The following PTPRK variants were observed in gnomAD, a reference collection of about 807,000 sequenced individuals.
The protein encoded by PTPRK is protein tyrosine phosphatase receptor type K, also known as receptor-type tyrosine-protein phosphatase kappa.
Under a neutral mutation model 178.0 loss-of-function variants are expected in PTPRK, and 75 were observed. The observed-to-expected ratio is 0.42, with a 90% confidence interval of 0.35 to 0.51. The LOEUF is 0.51. Ranked by LOEUF, PTPRK falls within the 20% of genes least tolerant of loss-of-function variation. The pLI is 0.02. For missense variants in PTPRK, 1,441 were observed against 1,797.8 expected (o/e 0.80, Z 3.59); for synonymous variants, 637 against 620.6 (o/e 1.03, Z -0.39).
intron 8 of PTPRK, chr6:128,084,910 T>C (rs896201431): frequency 6.6e-6 from 1 of 152,194 alleles, no homozygotes; most frequent in Non-Finnish European, 1.5e-5. Context: ...TCAGTGAACT[T>C]CACACATGAC....
At chr6:128,399,475 C>T (rs974479495) in intron 1 of PTPRK, among the ~76,000 whole-genome samples, 3 of 152,080 alleles carry the variant, frequency 2.0e-5, no homozygotes, top group Non-Finnish European at 4.4e-5. Flanking sequence ...TAAAATAGAC[C>T]TTTTATAAAT....
At chr6:128,152,798 C>T (rs573628977) in intron 7 of PTPRK, among the ~76,000 whole-genome samples, 2 of 151,962 alleles carry the variant, frequency 1.3e-5, no homozygotes, top group East Asian at 1.9e-4. Flanking sequence ...GTGGACAGAT[C>T]GTGACAGAGA....
At chr6:128,511,989 T>C (rs941430449) in intron 1 of PTPRK, among the ~76,000 whole-genome samples, 1 of 152,098 alleles carries the variant, frequency 6.6e-6, no homozygotes, top group African/African-American at 2.4e-5. Flanking sequence ...AGCTCTCTTC[T>C]CCAACATATA....
At chr6:128,296,988 T>G (rs1465269973) in intron 3 of PTPRK, among the ~76,000 whole-genome samples, 1 of 151,476 alleles carries the variant, frequency 6.6e-6, no homozygotes, top group African/African-American at 2.4e-5. Context: ...CCATCTCACG[T>G]GCAGAGACAC....
intron 3 of PTPRK, among the ~76,000 whole-genome samples, chr6:128,289,154 T>C (rs1408841973): frequency 1.3e-5 from 2 of 152,110 alleles, no homozygotes; most frequent in Non-Finnish European, 2.9e-5. Context: ...CATTTCTGAG[T>C]GGTAGGGCCC....
chr6:128,296,944 G>C (rs1824536954), intron 3 of PTPRK, among the ~76,000 whole-genome samples: 1 of 151,862 alleles, frequency 6.6e-6, no homozygotes, highest in Non-Finnish European at 1.5e-5. Context: ...CGGATAAAGA[G>C]TCAAGACCCA....
At chr6:127,976,890 A>G (rs755361167) in intron 26 of PTPRK, 33 bp downstream of exon 26, 21 of 1,613,084 alleles carry the variant, frequency 1.3e-5, no homozygotes, top group East Asian at 4.5e-5. Context: ...TAAGTTGTAT[A>G]TAAGTACATA....
At chr6:128,509,530 C>T (rs966194075) in intron 1 of PTPRK, among the ~76,000 whole-genome samples, 2 of 152,038 alleles carry the variant, frequency 1.3e-5, no homozygotes, top group Admixed American at 6.6e-5. Flanking sequence ...CAATACTTTC[C>T]TTATTGTCAA....
Position 128,086,339 on chromosome 6 carries a change from C to T in PTPRK, c.1466-2515G>A, listed in dbSNP as rs773806076. On this transcript the variant is annotated intron_variant, in intron 8 of 29. Coordinates refer to ENST00000368226, the MANE Select transcript of PTPRK (RefSeq NM_002844.4). ...TATGTCCCCAAACCAGGCTTTTCTGCTGAGCTAACTTTATAATATTGATTT... is the reference window on the plus strand; with the variant it reads ...TATGTCCCCAAACCAGGCTTTTCTGTTGAGCTAACTTTATAATATTGATTT... Among the ~76,000 whole-genome samples, 7 of 152,080 alleles carry T rather than the reference C, an allele frequency of 4.6e-5. No individual in the cohort carries two copies. The South Asian group carries it at 1.5e-3, about 32-fold the overall frequency.
At chr6:128,377,538 T>C (rs1397818434) in intron 2 of PTPRK, among the ~76,000 whole-genome samples, 1 of 152,152 alleles carries the variant, frequency 6.6e-6, no homozygotes, top group Non-Finnish European at 1.5e-5. Context: ...CCATTAAATA[T>C]ATATTTGTTA....
At chr6:128,501,369 G>T (rs1050104579) in intron 1 of PTPRK, among the ~76,000 whole-genome samples, 1 of 151,314 alleles carries the variant, frequency 6.6e-6, no homozygotes, top group Non-Finnish European at 1.5e-5. Context: ...TCAGCACTTT[G>T]TCATATATTA....
chr6:128,098,843 A>G (rs1053972003), intron 7 of PTPRK, among the ~76,000 whole-genome samples: 1 of 152,068 alleles, frequency 6.6e-6, no homozygotes, highest in African/African-American at 2.4e-5. Flanking sequence ...CCCAGATACC[A>G]CGGTAGTATG....
intron 2 of PTPRK, among the ~76,000 whole-genome samples, chr6:128,356,658 T>C (rs181864187): frequency 1.9e-4 from 29 of 152,334 alleles, no homozygotes; most frequent in Admixed American, 7.2e-4. Flanking sequence ...TTTAGGTTTC[T>C]TTTCTTTCTC....
intron 7 of PTPRK, among the ~76,000 whole-genome samples, chr6:128,134,268 C>T (rs1014330040): frequency 5.1e-4 from 77 of 152,216 alleles, no homozygotes; most frequent in African/African-American, 1.8e-3. Context: ...TGTCTTATCT[C>T]TTGTCTCAGA....
At chr6:128,280,905 T>G (rs1052713455) in intron 3 of PTPRK, among the ~76,000 whole-genome samples, 16 of 152,204 alleles carry the variant, frequency 1.1e-4, no homozygotes, top group African/African-American at 3.4e-4. Context: ...TTTTATACTT[T>G]TTGTAGCATA....
At chr6:128,506,432 T>A (rs893626345) in intron 1 of PTPRK, among the ~76,000 whole-genome samples, 5 of 152,100 alleles carry the variant, frequency 3.3e-5, no homozygotes. Flanking sequence ...CTAGAGAATT[T>A]TAAATGCATT....
At chr6:128,046,370 G>A (rs1778033039) in intron 13 of PTPRK, among the ~76,000 whole-genome samples, 1 of 152,004 alleles carries the variant, frequency 6.6e-6, no homozygotes, top group Non-Finnish European at 1.5e-5. Flanking sequence ...GGCACTCAGA[G>A]GAAAAACTAC....
At chr6:128,036,293 G>T (rs867427699) in intron 13 of PTPRK, among the ~76,000 whole-genome samples, 1 of 152,176 alleles carries the variant, frequency 6.6e-6, no homozygotes, top group African/African-American at 2.4e-5. Context: ...GCTACACCCA[G>T]GAGATGTTTT....
intron 7 of PTPRK, among the ~76,000 whole-genome samples, chr6:128,108,113 CACACAA>C (rs892315399): frequency 6.9e-6 from 1 of 145,872 alleles, no homozygotes; most frequent in Non-Finnish European, 1.5e-5. Context: ...CACACACACA[CACACAA>C]ATTTCACTCA....
Sources: gnomAD v4.1 joint callset for allele counts (sites outside exome capture counted in the v4.1 genomes callset) on GRCh38, gnomAD v4.1.1 for gene constraint, MANE v1.5 for transcripts, NCBI Gene and HGNC (gene_info 2026-07-23, HGNC 2026-07-21) for gene names.